The following AKNA variants were observed in gnomAD, a reference collection of about 807,000 sequenced individuals.
AKNA encodes the protein AT-hook transcription factor.
A neutral mutation model predicts 138.8 loss-of-function variants in AKNA; 67 were observed. The observed-to-expected ratio is 0.48, with a 90% CI of 0.40 to 0.59. The LOEUF (loss-of-function observed/expected upper bound fraction) is 0.59. Ranked by LOEUF, AKNA falls within the 20% of genes least tolerant of loss-of-function variation. AKNA has a pLI of 0.00. For synonymous variants in AKNA, 737 were observed against 754.4 expected (o/e 0.98, Z 0.38); for missense variants, 1,813 against 1,880.4 (o/e 0.96, Z 0.66).
intron 4 of AKNA, among the ~76,000 whole-genome samples, chr9:114,371,840 GT>G (rs1467007304): frequency 6.6e-6 from 1 of 152,170 alleles, no homozygotes. Flanking sequence ...AAATGGCTCG[GT>G]GGGTTCTGAG....
chr9:114,337,001 G>T lies in AKNA; in HGVS notation c.*53C>A. ...AGCAGCTCCAGCCCACTCCTGGCCT[G>T]GCAGGCCACCTGCCCACCCACCCAC... On this transcript the variant is annotated 3_prime_UTR_variant, in exon 22 of 22. Transcript: ENST00000374088. 4 of 1,450,678 alleles carry T rather than the reference G, an allele frequency of 2.8e-6. No homozygotes were observed. The highest frequency in any genetic ancestry group is 2.7e-6 in the Non-Finnish European group (3 of 1,095,726). The allele number at this position is 1,450,678 out of a possible 1,614,324, so 89.9% of individuals were successfully genotyped here.
At chr9:114,347,670 A>G in intron 16 of AKNA, 54 bp downstream of exon 16, 1 of 1,459,746 alleles carries the variant, frequency 6.9e-7, no homozygotes, top group South Asian at 1.4e-5. Context: ...GCCAGCCAAG[A>G]CTATCTTCTG....
chr9:114,393,155 T>C (rs1257395980), intron 1 of AKNA, among the ~76,000 whole-genome samples: 1 of 152,156 alleles, frequency 6.6e-6, no homozygotes, highest in African/African-American at 2.4e-5. Flanking sequence ...ATGCCCATTT[T>C]ATTTTATAGG....
chr9:114,382,771 G>A (rs1366508949), intron 1 of AKNA, among the ~76,000 whole-genome samples: 1 of 152,110 alleles, frequency 6.6e-6, no homozygotes, highest in Admixed American at 6.5e-5. Flanking sequence ...AAATATCCAG[G>A]CAAGGTAACT....
rs373233719 is a variant in AKNA at position 114,381,060 on chromosome 9, C to CG, written c.273_274insC (p.Glu92ArgfsTer3). On this transcript the variant is annotated frameshift_variant and splice_region_variant, in exon 2 of 22. Transcript: ENST00000374088. LOFTEE classifies it high-confidence loss of function. ...GTAGGGGGAGGGGTGTCAGTCTCAC[C>CG]TTCTCCCGAAGTCTCTCCTGACTCG... 1.9e-6 allele frequency: 3 copies of CG among 1,553,322 alleles called. No homozygotes were observed. In the African/African-American group the frequency reaches 4.1e-5, roughly 21 times the overall value.
intron 13 of AKNA, among the ~76,000 whole-genome samples, chr9:114,356,534 C>A (rs1319150654): frequency 6.6e-6 from 1 of 152,194 alleles, no homozygotes; most frequent in Non-Finnish European, 1.5e-5. Context: ...CATGTAGCCA[C>A]CCTGAGTGCC....
chr9:114,365,554 T>C (rs1049233957), intron 6 of AKNA, among the ~76,000 whole-genome samples: 1 of 152,000 alleles, frequency 6.6e-6, no homozygotes, highest in African/African-American at 2.4e-5. Flanking sequence ...TAGAAATGTA[T>C]ATTATATAAT....
In AKNA at chr9:114,345,900, TC is replaced by T; in HGVS notation, c.3623del (p.Gly1208AspfsTer188). On this transcript the variant is annotated frameshift_variant, in exon 18 of 22. Transcript: ENST00000374088. LOFTEE classifies it high-confidence loss of function. ...CCCGGAAGGTGACCCTGTCTGGCCA[TC>T]CAGCACTGCCCACCCCTCTCTTTCC... is the stretch of plus-strand genomic sequence containing the variant. Reference protein sequence around the residue: ...RDGKRGVGSAGWPDRVTFRGQ... With the variant: ...RDGKRGVGSAXWPDRVTFRGQ... 1.2e-6 allele frequency: 2 copies of T among 1,614,074 alleles called. No homozygotes were observed. Among genetic ancestry groups the T allele is most frequent in the Non-Finnish European group, 1.7e-6 (2 of 1,180,004 alleles).
At chr9:114,372,798 C>A (rs2132019102) in intron 4 of AKNA, among the ~76,000 whole-genome samples, 1 of 152,292 alleles carries the variant, frequency 6.6e-6, no homozygotes, top group East Asian at 1.9e-4. Context: ...TTTCCCAACT[C>A]CCCCGTCTCT....
chr9:114,359,783 A>C lies in AKNA; in HGVS notation c.2303T>G (p.Val768Gly). The C allele has an allele frequency of 6.3e-7, 1 of 1,598,480 alleles. No homozygotes were observed. The highest frequency in any genetic ancestry group is 2.2e-5 in the East Asian group (1 of 44,678). ...YHGLMERYLS[V>G]KSLPEAMRME... Reference sequence around the variant, plus strand: ...TCTCATGGCTTCTGGGAGAGACTTCACACTGAGGTACCTGCAGAAGAACAC... The same window carrying C: ...TCTCATGGCTTCTGGGAGAGACTTCCCACTGAGGTACCTGCAGAAGAACAC... Residue 768 changes from valine to glycine, a missense_variant, in exon 11 of 22, where the codon GTG becomes GGG. Transcript: ENST00000374088.
intron 17 of AKNA, 57 bp downstream of exon 17, chr9:114,346,612 A>G: frequency 7.1e-7 from 1 of 1,402,074 alleles, no homozygotes; most frequent in Non-Finnish European, 9.8e-7. Context: ...CTGACCACTG[A>G]GCCAACATGC....
At chr9:114,356,338 G>A (rs1831504234) in intron 13 of AKNA, among the ~76,000 whole-genome samples, 1 of 152,178 alleles carries the variant, frequency 6.6e-6, no homozygotes. Flanking sequence ...AACCCAATAT[G>A]CAAAATAATA....
chr9:114,380,748 G>C (rs556077198), intron 2 of AKNA, among the ~76,000 whole-genome samples: 137 of 151,546 alleles, frequency 9.0e-4, no homozygotes, highest in Non-Finnish European at 1.8e-3. Flanking sequence ...GGCCGAGGCG[G>C]GCGGATCACG....
At chr9:114,341,435 G>T in intron 21 of AKNA, 98 bp downstream of exon 21, 5 of 1,412,774 alleles carry the variant, frequency 3.5e-6, no homozygotes, top group Non-Finnish European at 4.9e-6. Flanking sequence ...AACACAGGAG[G>T]AGTATACTGC....
intron 1 of AKNA, among the ~76,000 whole-genome samples, chr9:114,381,833 G>T (rs1484083193): frequency 6.6e-6 from 1 of 151,692 alleles, no homozygotes; most frequent in East Asian, 1.9e-4. Context: ...GCTAATTTTT[G>T]TATTTTTTAG....
chr9:114,381,475 T>C, intron 1 of AKNA, 29 bp from the exon 2 acceptor site: 1 of 1,406,506 alleles, frequency 7.1e-7, no homozygotes. Flanking sequence ...AGAGAGAACA[T>C]TAATCAATCC....
Position 114,337,233 on chromosome 9 carries a change from C to A in AKNA, c.4141G>T (p.Ala1381Ser). ...TGGATGGAGTGCCGGTGTCTCCGGG[C>A]TGGTGGGGGAGAGGCTGTGGGCGGC... ...KWPPTASPPPARRHRHSIQLD... is the reference protein window; with the variant it reads ...KWPPTASPPPSRRHRHSIQLD... Residue 1381 changes from alanine to serine, a missense_variant, in exon 22 of 22, where the codon GCC (alanine) becomes TCC (serine). Ala to Ser is a moderately conservative substitution (Grantham distance 99). Coordinates refer to ENST00000374088, the MANE Select transcript of AKNA (RefSeq NM_001317950.2). The A allele has an allele frequency of 6.3e-7, 1 of 1,576,098 alleles. No homozygotes were observed. The highest frequency in any genetic ancestry group is 8.7e-7 in the Non-Finnish European group (1 of 1,153,740).
In AKNA at chr9:114,376,521, A is replaced by G; in HGVS notation, c.1286T>C (p.Val429Ala). The G allele has an allele frequency of 6.2e-7, 1 of 1,614,020 alleles. No individual in the cohort carries two copies. Among genetic ancestry groups the G allele is most frequent in the Non-Finnish European group, 8.5e-7 (1 of 1,179,982 alleles). The stretch of plus-strand genomic sequence containing the variant: ...CTCAGGCGTCTGAAATTCTTGGGGT[A>G]CCCTGGTGATAGGGTGGGCAGGAGG... ...DTPPAHPITR[V>A]PQEFQTPEQA... The change falls in exon 3 of 22, where the codon GTA becomes GCA. Residue 429 changes from valine (V) to alanine (A), a missense_variant. Transcript: ENST00000374088.
upstream of AKNA, among the ~76,000 whole-genome samples, chr9:114,391,848 TG>T (rs1321027761): frequency 6.2e-5 from 5 of 80,228 alleles, no homozygotes; most frequent in Non-Finnish European, 4.9e-5. Context: ...AGCAAGACTC[TG>T]TCTCAAAAAA....
Sources: allele counts gnomAD v4.1 joint callset (sites outside exome capture counted in the v4.1 genomes callset), GRCh38; gene constraint gnomAD v4.1.1; transcripts MANE v1.5; gene names NCBI Gene and HGNC (gene_info 2026-07-23, HGNC 2026-07-21).